ATRN: variants seen among roughly 807,000 people sequenced by gnomAD.
The protein encoded by ATRN is attractin-2.
A neutral mutation model predicts 178.7 loss-of-function variants in ATRN; 54 were observed. The ratio of observed to expected loss-of-function variants is 0.30; its 90% CI spans 0.24 to 0.38. The LOEUF (loss-of-function observed/expected upper bound fraction) is 0.38, where lower values mean the gene tolerates loss of function less well. Among genes scored for constraint, ATRN ranks in the 10% least tolerant of loss-of-function variants. The pLI, the probability that ATRN is intolerant of heterozygous loss-of-function variation, is 1.00. For synonymous variants in ATRN, 636 were observed against 663.0 expected, an observed-to-expected ratio of 0.96 and a Z score of 0.63; for missense variants, 1,443 against 1,815.1, an observed-to-expected ratio of 0.79 and a Z score of 3.73.
Position 3,562,301 on chromosome 20 carries a change from C to T in ATRN, c.1473C>T (p.His491=), listed in dbSNP as rs377718503. The T allele has an allele frequency of 3.1e-6, 5 of 1,613,836 alleles. No homozygotes were observed. The African/African-American group carries it at 5.3e-5, about 17-fold the overall frequency. ...ATAAGAACACATGGAGTATATTACA[C>T]ACCCAGGGTGCCCTTGTGCAAGGGG... ...DLDKNTWSIL[H]TQGALVQGGY... Residue 491 remains histidine, a synonymous_variant, in exon 9 of 29, where the codon CAC becomes CAT. Coordinates refer to ENST00000262919, the MANE Select transcript of ATRN (RefSeq NM_139321.3).
intron 6 of ATRN, among the ~76,000 whole-genome samples, chr20:3,552,454 C>T (rs1406436760): frequency 1.3e-5 from 2 of 152,206 alleles, no homozygotes; most frequent in African/African-American, 4.8e-5. Context: ...AATGGCCACT[C>T]CATCCTTCTA....
At chr20:3,584,511 C>G in intron 17 of ATRN, 136 bp from the exon 18 acceptor site, 1 of 692,836 alleles carries the variant, frequency 1.4e-6, no homozygotes, top group Non-Finnish European at 2.4e-6. Context: ...TCTTTACATT[C>G]ATTATCTCTT....
At chr20:3,621,107 C>T (rs2086894036) in intron 24 of ATRN, among the ~76,000 whole-genome samples, 1 of 152,032 alleles carries the variant, frequency 6.6e-6, no homozygotes, top group Admixed American at 6.6e-5. Context: ...CTATATAGAC[C>T]ATAATTATCA....
chr20:3,554,883 A>G (rs1232358952), intron 6 of ATRN, among the ~76,000 whole-genome samples: 1 of 152,078 alleles, frequency 6.6e-6, no homozygotes, highest in African/African-American at 2.4e-5. Flanking sequence ...AAGTTTAAAA[A>G]AAAATAGTAA....
In ATRN at chr20:3,631,496, C is replaced by G. The variant is rs545662833; in HGVS notation, c.3864-2815C>G. On this transcript the variant is annotated intron_variant, in intron 25 of 28. Coordinates refer to ENST00000262919, the MANE Select transcript of ATRN (RefSeq NM_139321.3). ...GTTGAGACTGTGTCCTAATGAGATG[C>G]TTTTCCAGCCTCAGGAAGGAGCCTC... 5.6e-4 allele frequency among the ~76,000 whole-genome samples: 85 copies of G among 152,250 alleles called. 1 individual carries two copies. The highest frequency in any genetic ancestry group is 3.4e-3 in the Middle Eastern group (1 of 294).
At chr20:3,514,296 T>C (rs1244925498) in intron 1 of ATRN, among the ~76,000 whole-genome samples, 1 of 152,218 alleles carries the variant, frequency 6.6e-6, no homozygotes, top group Non-Finnish European at 1.5e-5. Flanking sequence ...CCAACTATTA[T>C]AGGTATTTCA....
chr20:3,560,928 A>T, intron 8 of ATRN, 23 bp downstream of exon 8: 1 of 1,610,100 alleles, frequency 6.2e-7, no homozygotes, highest in Non-Finnish European at 8.5e-7. Flanking sequence ...TTTCCAGTAG[A>T]TGCCTTTTGA....
At chr20:3,586,994 A>G (rs2086367028) in intron 18 of ATRN, among the ~76,000 whole-genome samples, 1 of 152,214 alleles carries the variant, frequency 6.6e-6, no homozygotes. Flanking sequence ...AACTAATGAA[A>G]TTGAACATCA....
chr20:3,629,125 C>A (rs2146319190), intron 25 of ATRN: 1 of 985,328 alleles, frequency 1.0e-6, no homozygotes, highest in South Asian at 4.7e-5. Context: ...AGTGCACTCT[C>A]CACCTCCACT....
intron 1 of ATRN, among the ~76,000 whole-genome samples, chr20:3,504,414 G>A (rs976586194): frequency 7.3e-5 from 11 of 151,016 alleles, no homozygotes; most frequent in East Asian, 3.9e-4. Flanking sequence ...CAGTGCCAAC[G>A]CCTGTAATCC....
intron 14 of ATRN, among the ~76,000 whole-genome samples, chr20:3,577,868 T>G (rs1252527025): frequency 6.6e-6 from 1 of 152,186 alleles, no homozygotes; most frequent in Admixed American, 6.5e-5. Context: ...GTACCTTTCT[T>G]TTATCTCAGT....
At chr20:3,536,034 C>T (rs1444197201) in intron 2 of ATRN, among the ~76,000 whole-genome samples, 1 of 151,996 alleles carries the variant, frequency 6.6e-6, no homozygotes, top group African/African-American at 2.4e-5. Context: ...ATTGTAATAA[C>T]TGTTATTGCC....
intron 25 of ATRN, among the ~76,000 whole-genome samples, chr20:3,625,917 T>G (rs2086934614): frequency 1.3e-5 from 2 of 152,154 alleles, no homozygotes; most frequent in African/African-American, 4.8e-5. Context: ...GAAAATATAT[T>G]TATTTTATCC....
At chr20:3,569,124 T>C (rs1252441873) in intron 11 of ATRN, among the ~76,000 whole-genome samples, 1 of 152,176 alleles carries the variant, frequency 6.6e-6, no homozygotes, top group African/African-American at 2.4e-5. Flanking sequence ...GAATTAGAAA[T>C]AGATTTTATA....
intron 11 of ATRN, among the ~76,000 whole-genome samples, chr20:3,570,649 A>T (rs945716258): frequency 2.0e-5 from 3 of 152,072 alleles, no homozygotes; most frequent in African/African-American, 7.2e-5. Flanking sequence ...CAGTGAGGGC[A>T]TCTTTACATT....
intron 2 of ATRN, among the ~76,000 whole-genome samples, chr20:3,537,156 C>T (rs2085545872): frequency 6.6e-6 from 1 of 152,156 alleles, no homozygotes; most frequent in Admixed American, 6.5e-5. Flanking sequence ...CATCAATCTC[C>T]TCAAAAAGTT....
At chr20:3,504,314 A>C (rs1347024566) in intron 1 of ATRN, among the ~76,000 whole-genome samples, 1 of 152,048 alleles carries the variant, frequency 6.6e-6, no homozygotes, top group Non-Finnish European at 1.5e-5. Flanking sequence ...ATGATAGTAG[A>C]AGGAATCTTG....
At chr20:3,476,623 C>T (rs920651121) in intron 1 of ATRN, among the ~76,000 whole-genome samples, 14 of 152,232 alleles carry the variant, frequency 9.2e-5, no homozygotes, top group Admixed American at 6.5e-4. Context: ...CTTTGGGAGG[C>T]TGAGGCGGGC....
chr20:3,531,495 CATT>C (rs1056379412), intron 1 of ATRN, among the ~76,000 whole-genome samples: 9 of 151,986 alleles, frequency 5.9e-5, no homozygotes, highest in African/African-American at 2.2e-4. Flanking sequence ...ACAAAATGAA[CATT>C]AGTAGGGAAA....
Sources: allele counts gnomAD v4.1 joint callset (sites outside exome capture counted in the v4.1 genomes callset), GRCh38; gene constraint gnomAD v4.1.1; transcripts MANE v1.5; gene names NCBI Gene and HGNC (gene_info 2026-07-23, HGNC 2026-07-21).